SPECC1L: variants seen among roughly 807,000 people sequenced by gnomAD.
SPECC1L encodes cytospin-A.
Under a neutral mutation model 116.8 loss-of-function variants are expected in SPECC1L, and 40 were observed. That is an observed-to-expected ratio of 0.34 (90% CI 0.27 to 0.45). SPECC1L has a LOEUF of 0.45. Among genes scored for constraint, SPECC1L ranks in the 20% least tolerant of loss-of-function variants. The pLI, the probability that SPECC1L is intolerant of heterozygous loss-of-function variation, is 1.00. For missense variants in SPECC1L, 1,110 were observed against 1,373.6 expected (o/e 0.81, Z 3.03); for synonymous variants, 504 against 500.6 (o/e 1.01, Z -0.09).
chr22:24,312,817 CTCCTT>C (rs1314929642), intron 3 of SPECC1L, among the ~76,000 whole-genome samples: 1 of 152,040 alleles, frequency 6.6e-6, no homozygotes, highest in Non-Finnish European at 1.5e-5. Context: ...TAGAAAATAC[CTCCTT>C]TCAATTGTGA....
intron 9 of SPECC1L, among the ~76,000 whole-genome samples, chr22:24,337,620 C>A (rs2041086987): frequency 6.6e-6 from 1 of 152,104 alleles, no homozygotes; most frequent in African/African-American, 2.4e-5. Context: ...CTAAAGATAT[C>A]AATTCTAAAT....
chr22:24,326,103 A>G (rs935601559), intron 6 of SPECC1L, among the ~76,000 whole-genome samples: 1 of 152,068 alleles, frequency 6.6e-6, no homozygotes, highest in Non-Finnish European at 1.5e-5. Context: ...ACAGGCGCCC[A>G]CTACCACACC....
intron 14 of SPECC1L, among the ~76,000 whole-genome samples, chr22:24,387,604 C>T (rs1176332963): frequency 1.3e-5 from 2 of 152,108 alleles, no homozygotes; most frequent in Non-Finnish European, 2.9e-5. Context: ...GTTTTTATGT[C>T]ACATGTTTCT....
chr22:24,396,699 T>G (rs889094097), intron 14 of SPECC1L, among the ~76,000 whole-genome samples: 11 of 152,236 alleles, frequency 7.2e-5, no homozygotes, highest in Admixed American at 2.6e-4. Context: ...CACTCCAGTT[T>G]GTGATTAAAA....
intron 14 of SPECC1L, among the ~76,000 whole-genome samples, chr22:24,390,467 G>A (rs928778538): frequency 6.6e-6 from 1 of 152,230 alleles, no homozygotes; most frequent in East Asian, 1.9e-4. Context: ...GGTGCTGGCA[G>A]TAGATAAGAG....
At chr22:24,406,498 TCTC>T (rs919314298) in intron 14 of SPECC1L, among the ~76,000 whole-genome samples, 9 of 152,122 alleles carry the variant, frequency 5.9e-5, no homozygotes, top group Non-Finnish European at 1.2e-4. Context: ...GTGGGATCAT[TCTC>T]CTCTCCCTGT....
At chr22:24,348,090 C>A (rs1036931793) in intron 11 of SPECC1L, among the ~76,000 whole-genome samples, 13 of 152,134 alleles carry the variant, frequency 8.5e-5, no homozygotes, top group Non-Finnish European at 1.8e-4. Context: ...TACTAAAGTG[C>A]ATTGGAAAGA....
intron 14 of SPECC1L, among the ~76,000 whole-genome samples, chr22:24,373,058 C>T (rs1231419804): frequency 6.6e-6 from 1 of 152,146 alleles, no homozygotes; most frequent in Non-Finnish European, 1.5e-5. Context: ...CCTAGGAATG[C>T]AACTTATAAG....
intron 6 of SPECC1L, among the ~76,000 whole-genome samples, chr22:24,326,910 AATT>A (rs1312623258): frequency 6.6e-6 from 1 of 152,194 alleles, no homozygotes; most frequent in Non-Finnish European, 1.5e-5. Flanking sequence ...TATTTGTAAT[AATT>A]ATTATTCCAC....
chr22:24,296,513 T>C (rs926539665), intron 2 of SPECC1L, among the ~76,000 whole-genome samples: 1 of 152,248 alleles, frequency 6.6e-6, no homozygotes, highest in Non-Finnish European at 1.5e-5. Flanking sequence ...AACCTTGACT[T>C]TCCTGGACTA....
intron 14 of SPECC1L, among the ~76,000 whole-genome samples, chr22:24,403,896 C>T (rs1009512571): frequency 6.6e-6 from 1 of 152,224 alleles, no homozygotes; most frequent in African/African-American, 2.4e-5. Flanking sequence ...AGGAGGAACC[C>T]TTCAGCCCAG....
chr22:24,339,985 A>G (rs2041139265), intron 10 of SPECC1L, among the ~76,000 whole-genome samples: 1 of 151,990 alleles, frequency 6.6e-6, no homozygotes, highest in South Asian at 2.1e-4. Context: ...GGGTTCTGCC[A>G]CGTTGCCCAG....
intron 2 of SPECC1L, among the ~76,000 whole-genome samples, chr22:24,284,934 C>G (rs987459222): frequency 1.4e-4 from 22 of 152,114 alleles, no homozygotes; most frequent in Non-Finnish European, 2.9e-4. Context: ...AAGGGAGAGA[C>G]ACATAGTCAC....
chr22:24,408,725 G>T (rs1322422694), intron 14 of SPECC1L, among the ~76,000 whole-genome samples: 1 of 152,238 alleles, frequency 6.6e-6, no homozygotes, highest in Non-Finnish European at 1.5e-5. Flanking sequence ...AGAGGAAATG[G>T]CCTGTGAAAG....
chr22:24,359,959 T>C (rs1349046063), intron 11 of SPECC1L, among the ~76,000 whole-genome samples: 1 of 152,200 alleles, frequency 6.6e-6, no homozygotes, highest in Non-Finnish European at 1.5e-5. Context: ...TTTTGAATGC[T>C]TGCTTCTACT....
intron 4 of SPECC1L, among the ~76,000 whole-genome samples, chr22:24,321,053 A>G (rs1016193459): frequency 1.3e-5 from 2 of 152,232 alleles, no homozygotes; most frequent in Admixed American, 6.5e-5. Flanking sequence ...TACTCTTTTA[A>G]AAACATGTAA....
chr22:24,283,614 A>G (rs1352633942), intron 2 of SPECC1L, among the ~76,000 whole-genome samples: 1 of 152,188 alleles, frequency 6.6e-6, no homozygotes. Context: ...GTTGAGAAAT[A>G]TTCTTCTCAG....
chr22:24,286,510 T>C (rs991605790), intron 2 of SPECC1L, among the ~76,000 whole-genome samples: 1 of 152,234 alleles, frequency 6.6e-6, no homozygotes, highest in African/African-American at 2.4e-5. Context: ...TTGAGTCATA[T>C]GGTGTGTTTC....
intron 8 of SPECC1L, among the ~76,000 whole-genome samples, chr22:24,332,275 A>G (rs1037839738): frequency 6.6e-6 from 1 of 152,204 alleles, no homozygotes; most frequent in African/African-American, 2.4e-5. Context: ...GCAGCTTCCC[A>G]TAAAGTGTCT....
Sources: allele counts gnomAD v4.1 joint callset (sites outside exome capture counted in the v4.1 genomes callset), GRCh38; gene constraint gnomAD v4.1.1; transcripts MANE v1.5; gene names NCBI Gene and HGNC (gene_info 2026-07-23, HGNC 2026-07-21).